SLC24A2: variants seen among roughly 807,000 people sequenced by gnomAD.
SLC24A2 encodes the protein sodium/potassium/calcium exchanger 2.
Under a neutral mutation model 62.0 loss-of-function variants are expected in SLC24A2, and 36 were observed. The ratio of observed to expected loss-of-function variants is 0.58; its 90% CI spans 0.44 to 0.77. The LOEUF (loss-of-function observed/expected upper bound fraction) is 0.77, where lower values mean the gene tolerates loss of function less well. Ranked by LOEUF, SLC24A2 falls within the 30% of genes least tolerant of loss-of-function variation. The pLI is 0.00. For synonymous variants in SLC24A2, 358 were observed against 294.0 expected (o/e 1.22, Z -2.23); for missense variants, 846 against 817.9 (o/e 1.03, Z -0.42).
the SLC24A2 span, among the ~76,000 whole-genome samples, chr9:19,988,702 G>C: frequency 6.6e-6 from 1 of 152,148 alleles, no homozygotes; most frequent in African/African-American, 2.4e-5. Context: ...TCACAGAGGT[G>C]GTTCTGCTTT....
chr9:19,521,196 A>G, intron 9 of SLC24A2, 136 bp from the exon 10 acceptor site: 1 of 791,590 alleles, frequency 1.3e-6, no homozygotes, highest in Non-Finnish European at 2.2e-6. Context: ...ATAAAGATGA[A>G]TAAGCCACAG....
At chr9:20,038,637 A>C in the SLC24A2 span, among the ~76,000 whole-genome samples, 3 of 152,172 alleles carry the variant, frequency 2.0e-5, no homozygotes, top group South Asian at 2.1e-4. Context: ...ACAAACAAAA[A>C]AAAAAAAAAA....
At chr9:20,013,185 G>A in the SLC24A2 span, among the ~76,000 whole-genome samples, 1 of 151,942 alleles carries the variant, frequency 6.6e-6, no homozygotes, top group African/African-American at 2.4e-5. Context: ...AGCCTGCATG[G>A]TAGTGGCATA....
At chr9:19,996,835 T>G in the SLC24A2 span, among the ~76,000 whole-genome samples, 1 of 151,520 alleles carries the variant, frequency 6.6e-6, no homozygotes, top group African/African-American at 2.4e-5. Flanking sequence ...CCCCAAGTGG[T>G]ACGTTTCCCT....
At chr9:19,757,329 T>C (rs1460781102) in intron 2 of SLC24A2, among the ~76,000 whole-genome samples, 1 of 152,148 alleles carries the variant, frequency 6.6e-6, no homozygotes, top group Non-Finnish European at 1.5e-5. Context: ...TACATGGCTG[T>C]ATAAAAACAC....
At chr9:19,781,959 A>T (rs1823031995) in intron 2 of SLC24A2, among the ~76,000 whole-genome samples, 2 of 152,238 alleles carry the variant, frequency 1.3e-5, no homozygotes, top group South Asian at 4.1e-4. Flanking sequence ...CATTAATCAC[A>T]ATTTGAATTG....
intron 2 of SLC24A2, among the ~76,000 whole-genome samples, chr9:19,625,294 T>G (rs1818005572): frequency 6.6e-6 from 1 of 152,120 alleles, no homozygotes; most frequent in Non-Finnish European, 1.5e-5. Context: ...AACAAATTCC[T>G]ATAAATAAAT....
chr9:20,286,120 A>G, the SLC24A2 span, among the ~76,000 whole-genome samples: 1 of 152,222 alleles, frequency 6.6e-6, no homozygotes, highest in Non-Finnish European at 1.5e-5. Flanking sequence ...GCACTGAGCT[A>G]TGCATTTTTC....
At chr9:20,106,377 C>T in the SLC24A2 span, among the ~76,000 whole-genome samples, 26 of 152,240 alleles carry the variant, frequency 1.7e-4, no homozygotes, top group South Asian at 8.3e-4. Context: ...ATACCAAAGC[C>T]GGGCAGAGAC....
the SLC24A2 span, among the ~76,000 whole-genome samples, chr9:20,133,396 T>A: frequency 6.6e-6 from 1 of 152,140 alleles, no homozygotes; most frequent in African/African-American, 2.4e-5. Flanking sequence ...GCAAAATTTT[T>A]ATAAATCTAA....
At chr9:20,034,659 G>A in the SLC24A2 span, among the ~76,000 whole-genome samples, 1 of 151,832 alleles carries the variant, frequency 6.6e-6, no homozygotes, top group Non-Finnish European at 1.5e-5. Context: ...TAGTAGAGAC[G>A]GGGTTTCACC....
the SLC24A2 span, among the ~76,000 whole-genome samples, chr9:20,170,951 T>C: frequency 6.6e-6 from 1 of 151,878 alleles, no homozygotes; most frequent in Non-Finnish European, 1.5e-5. Context: ...GAAAAGAATC[T>C]TAAGAGCTGT....
chr9:19,696,911 G>T (rs1203999095), intron 2 of SLC24A2, among the ~76,000 whole-genome samples: 1 of 151,964 alleles, frequency 6.6e-6, no homozygotes, highest in Non-Finnish European at 1.5e-5. Flanking sequence ...TAATAACCAG[G>T]TATATAAGGT....
At chr9:20,179,878 T>C in the SLC24A2 span, among the ~76,000 whole-genome samples, 220 of 152,288 alleles carry the variant, frequency 1.4e-3, no homozygotes, top group African/African-American at 5.1e-3. Flanking sequence ...TGAACAGAAC[T>C]GCACAAAAGG....
the SLC24A2 span, among the ~76,000 whole-genome samples, chr9:20,228,025 G>A: frequency 1.3e-5 from 2 of 152,222 alleles, no homozygotes; most frequent in East Asian, 3.9e-4. Flanking sequence ...GGCCCATTGA[G>A]GTCATTCTTC....
At chr9:19,756,001 G>A (rs1379241387) in intron 2 of SLC24A2, among the ~76,000 whole-genome samples, 1 of 152,142 alleles carries the variant, frequency 6.6e-6, no homozygotes, top group African/African-American at 2.4e-5. Flanking sequence ...CAATCCCTTT[G>A]CAGTGAGCTA....
At chr9:19,709,700 A>G (rs1820654798) in intron 2 of SLC24A2, among the ~76,000 whole-genome samples, 2 of 139,540 alleles carry the variant, frequency 1.4e-5, no homozygotes, top group South Asian at 4.8e-4. Context: ...GTGCTGAACA[A>G]TGAGAACACA....
At chr9:20,200,675 A>G in the SLC24A2 span, among the ~76,000 whole-genome samples, 2 of 152,240 alleles carry the variant, frequency 1.3e-5, no homozygotes, top group South Asian at 2.1e-4. Flanking sequence ...AGAGGCCTAG[A>G]AGCTTCAGCT....
At chr9:19,539,501 G>A (rs1422183152) in intron 8 of SLC24A2, among the ~76,000 whole-genome samples, 2 of 146,960 alleles carry the variant, frequency 1.4e-5, no homozygotes, top group African/African-American at 2.5e-5. Flanking sequence ...CAGTTTCCAT[G>A]TAGTTGAGCG....
Sources: gnomAD v4.1 joint callset for allele counts (sites outside exome capture counted in the v4.1 genomes callset) on GRCh38, gnomAD v4.1.1 for gene constraint, MANE v1.5 for transcripts, NCBI Gene and HGNC (gene_info 2026-07-23, HGNC 2026-07-21) for gene names.